ANKHD1: variants seen among roughly 807,000 people sequenced by gnomAD.
ANKHD1 encodes ankyrin repeat and KH domain containing 1.
ANKHD1 carries 31 observed loss-of-function variants against 230.5 expected under a neutral mutation model. That is an observed-to-expected ratio of 0.13 (90% confidence interval 0.10 to 0.18). The LOEUF (loss-of-function observed/expected upper bound fraction) is 0.18. Ranked by LOEUF, ANKHD1 falls within the 10% of genes least tolerant of loss-of-function variation. The pLI, the probability that ANKHD1 is intolerant of heterozygous loss-of-function variation, is 1.00. For synonymous variants in ANKHD1, 1,074 were observed against 1,117.6 expected (o/e 0.96, Z 0.78); for missense variants, 2,256 against 3,071.3 (o/e 0.73, Z 6.27).
At chr5:140,495,811 T>C (rs896915171) in intron 14 of ANKHD1, among the ~76,000 whole-genome samples, 24 of 152,204 alleles carry the variant, frequency 1.6e-4, no homozygotes, top group African/African-American at 5.3e-4. Flanking sequence ...TCATTTATTG[T>C]TTCTCTCATA....
intron 7 of ANKHD1, among the ~76,000 whole-genome samples, chr5:140,455,110 C>G (rs927674033): frequency 1.3e-5 from 2 of 152,122 alleles, no homozygotes; most frequent in African/African-American, 4.8e-5. Flanking sequence ...ACTAGGAAAT[C>G]TAGAAGAAAT....
intron 30 of ANKHD1, chr5:140,535,892 TA>T (rs66796784): frequency 0.8 from 83,342 of 104,728 alleles, 33,207 homozygotes; most frequent in Middle Eastern, 0.92. Flanking sequence ...CTGTCTCTAT[TA>T]AAAAAAAAAA....
Position 140,509,625 on chromosome 5 carries a change from TG to T in ANKHD1, c.3766-10del. 1 of 1,499,200 alleles carries T rather than the reference TG, an allele frequency of 6.7e-7. No individual in the cohort carries two copies. Among genetic ancestry groups the T allele is most frequent in the Non-Finnish European group, 8.9e-7 (1 of 1,124,714 alleles). 92.9% of individuals were successfully genotyped at this position (1,499,200 alleles called of 1,614,324 possible). On this transcript the variant is annotated splice_polypyrimidine_tract_variant and intron_variant, in intron 20 of 33. Coordinates refer to ENST00000360839, the MANE Select transcript of ANKHD1 (RefSeq NM_017747.3). ...AATGTAACTTAGTTGCATAATTTAT[TG>T]GTTTAAACAGACGGGTCTTACCCCC...
intron 7 of ANKHD1, among the ~76,000 whole-genome samples, chr5:140,455,306 C>T (rs539243131): frequency 3.9e-5 from 6 of 152,238 alleles, no homozygotes; most frequent in African/African-American, 1.4e-4. Flanking sequence ...TTGGTACCAT[C>T]CCTTTTGAAA....
intron 10 of ANKHD1, among the ~76,000 whole-genome samples, chr5:140,470,915 C>G (rs1428775250): frequency 6.6e-6 from 1 of 152,142 alleles, no homozygotes; most frequent in African/African-American, 2.4e-5. Flanking sequence ...GTATGAGCCA[C>G]CATGACTGGC....
chr5:140,455,939 T>C (rs1310232296), intron 7 of ANKHD1, among the ~76,000 whole-genome samples: 1 of 152,290 alleles, frequency 6.6e-6, no homozygotes, highest in East Asian at 1.9e-4. Context: ...TGTTTGCAGA[T>C]CACATGATTG....
At position 140,506,798 on chromosome 5, in the gene ANKHD1, T is replaced by C. The variant is rs1033983043; in HGVS notation, c.3409-37T>C. On this transcript the variant is annotated intron_variant, in intron 18 of 33. Coordinates refer to ENST00000360839, the MANE Select transcript of ANKHD1 (RefSeq NM_017747.3). The surrounding 1 kb of genome is among the most constrained non-coding windows in gnomAD (Gnocchi z 4.7). ...CCTTCATTATAAGTTGAGCCCTTGGTGTAAACTCTCTTCTCTATCCATATT... is the reference window on the plus strand; with the variant it reads ...CCTTCATTATAAGTTGAGCCCTTGGCGTAAACTCTCTTCTCTATCCATATT... 24 of 1,610,116 alleles carry C rather than the reference T, an allele frequency of 1.5e-5. No individual in the cohort carries two copies. The Middle Eastern group carries it at 9.9e-4, about 66-fold the overall frequency.
chr5:140,441,327 G>A (rs1053930176), intron 5 of ANKHD1, among the ~76,000 whole-genome samples, 185 bp downstream of exon 5: 1 of 152,132 alleles, frequency 6.6e-6, no homozygotes, highest in South Asian at 2.1e-4. Flanking sequence ...AACACACTTA[G>A]AGTCTCCTGT....
intron 1 of ANKHD1, among the ~76,000 whole-genome samples, chr5:140,414,567 C>T (rs899705865): frequency 1.3e-5 from 2 of 152,170 alleles, no homozygotes; most frequent in African/African-American, 4.8e-5. Context: ...CACAGTGGCT[C>T]ACGCCTGTAA....
intron 13 of ANKHD1, 137 bp from the exon 14 acceptor site, chr5:140,486,821 T>C: frequency 1.2e-6 from 1 of 811,694 alleles, no homozygotes. Context: ...TGAAAGCTTT[T>C]TTTAAAAAAA....
At chr5:140,414,403 A>G (rs1771185767) in intron 1 of ANKHD1, among the ~76,000 whole-genome samples, 1 of 152,184 alleles carries the variant, frequency 6.6e-6, no homozygotes, top group African/African-American at 2.4e-5. Flanking sequence ...ATGGGTATGA[A>G]GTGGTATTTC....
At chr5:140,431,105 T>C (rs1773009293) in intron 1 of ANKHD1, among the ~76,000 whole-genome samples, 1 of 152,220 alleles carries the variant, frequency 6.6e-6, no homozygotes, top group Admixed American at 6.5e-5. Flanking sequence ...GGATATTTTG[T>C]CCTTTTATTG....
chr5:140,438,933 C>T (rs1323579850), intron 3 of ANKHD1, among the ~76,000 whole-genome samples: 1 of 152,114 alleles, frequency 6.6e-6, no homozygotes. Flanking sequence ...TTATAGTAAA[C>T]TCTAAACCGA....
intron 14 of ANKHD1, among the ~76,000 whole-genome samples, chr5:140,492,231 T>C (rs867744596): frequency 1.2e-4 from 18 of 152,218 alleles, no homozygotes; most frequent in Non-Finnish European, 2.9e-5. Flanking sequence ...ATCATTCTTA[T>C]ATGGATTTAC....
intron 20 of ANKHD1, 125 bp from the exon 21 acceptor site, chr5:140,509,512 A>G: frequency 8.5e-7 from 1 of 1,181,148 alleles, no homozygotes; most frequent in Non-Finnish European, 1.1e-6. Flanking sequence ...AGCTAATCAG[A>G]ACTAGAATTG....
chr5:140,500,943 C>T (rs1479238328), intron 15 of ANKHD1, among the ~76,000 whole-genome samples: 1 of 151,970 alleles, frequency 6.6e-6, no homozygotes, highest in Non-Finnish European at 1.5e-5. Context: ...TCTTAACAGG[C>T]TCTTAAATTG....
rs776060624 is a variant in ANKHD1 at position 140,459,158 on chromosome 5, TC to T, written c.1481-4del. 1.9e-6 allele frequency: 3 copies of T among 1,575,360 alleles called. No individual in the cohort carries two copies. The South Asian group carries it at 3.6e-5, about 19-fold the overall frequency. ...ACTAATTTTATCTGTTTTTATACTTTCCTAGGAGCAAATATAAATGCCCAGA... is the reference window on the plus strand; with the variant it reads ...ACTAATTTTATCTGTTTTTATACTTTCTAGGAGCAAATATAAATGCCCAGA... On this transcript the variant is annotated splice_polypyrimidine_tract_variant and splice_region_variant and intron_variant, in intron 8 of 33. Transcript: ENST00000360839.
intron 1 of ANKHD1, 78 bp downstream of exon 1, chr5:140,402,351 C>T (rs1770015383): frequency 2.2e-6 from 3 of 1,376,838 alleles, no homozygotes; most frequent in South Asian, 1.6e-5. Flanking sequence ...CCGGGGCCAT[C>T]CTCCCGCTTC....
chr5:140,529,191 A>C lies in ANKHD1; in HGVS notation c.6245A>C (p.Gln2082Pro). Residue 2082 changes from glutamine (Q) to proline (P), a missense_variant, in exon 29 of 34, where the codon CAG becomes CCG. By Grantham distance (76) the Gln-to-Pro change is moderately conservative. Coordinates refer to ENST00000360839, the MANE Select transcript of ANKHD1 (RefSeq NM_017747.3). ...TCCAGTAACACACAAGAGGAGGCAC[A>C]GCCATCCAGTGTGTCTGATTTAAGT... ...PTSSNTQEEA[Q>P]PSSVSDLSPM... is the part of the protein sequence containing the mutation. 6.2e-7 allele frequency: 1 copy of C among 1,614,210 alleles called. No homozygotes were observed. The highest frequency in any genetic ancestry group is 8.5e-7 in the Non-Finnish European group (1 of 1,180,026).
Sources: gnomAD v4.1 joint callset for allele counts (sites outside exome capture counted in the v4.1 genomes callset) on GRCh38, gnomAD v4.1.1 for gene constraint, Gnocchi (gnomAD v3.1) non-coding constraint, MANE v1.5 for transcripts, NCBI Gene and HGNC (gene_info 2026-07-23, HGNC 2026-07-21) for gene names.